MLYCD: variants seen among roughly 807,000 people sequenced by gnomAD.
The protein encoded by MLYCD is malonyl-CoA decarboxylase, mitochondrial.
A neutral mutation model predicts 35.8 loss-of-function variants in MLYCD; 27 were observed. The observed-to-expected ratio is 0.75, with a 90% CI of 0.56 to 1.04. The LOEUF (loss-of-function observed/expected upper bound fraction) is 1.04, where lower values mean the gene tolerates loss of function less well. Ranked by LOEUF, MLYCD falls within the 50% of genes least tolerant of loss-of-function variation. MLYCD has a pLI of 0.00. For synonymous variants in MLYCD, 403 were observed against 302.4 expected (o/e 1.33, Z -3.45); for missense variants, 917 against 665.1 (o/e 1.38, Z -4.17).
Position 83,921,622 on chromosome 16 carries a change from A to G in MLYCD, c.*6133A>G, listed in dbSNP as rs184263842. The G allele has an allele frequency of 2.0e-5, 3 of 152,290 alleles. No individual in the cohort carries two copies. The highest frequency in any genetic ancestry group is 1.9e-4 in the East Asian group (1 of 5,180). The allele number at this position is 152,290 out of a possible 1,614,324, so 9.4% of individuals were successfully genotyped here. Reference sequence around the variant, plus strand: ...AGGAGAAAGAGCCTGTCGTCCCTCTATGATACTGCACTGAACCAATATTCC... The same window carrying G: ...AGGAGAAAGAGCCTGTCGTCCCTCTGTGATACTGCACTGAACCAATATTCC... On this transcript the variant is annotated 3_prime_UTR_variant, in exon 5 of 5. Coordinates refer to ENST00000262430, the MANE Select transcript of MLYCD (RefSeq NM_012213.3).
In MLYCD at chr16:83,916,942, TGTGTGC is replaced by T; in HGVS notation, c.*1460_*1465del. 7.2e-6 allele frequency: 1 copy of T among 139,788 alleles called. No homozygotes were observed. 8.7% of individuals were successfully genotyped at this position (139,788 alleles called of 1,614,324 possible). On this transcript the variant is annotated 3_prime_UTR_variant, in exon 5 of 5. Transcript: ENST00000262430. ...GTCTCTGTGTGGATCAGTGCACGTC[TGTGTGC>T]GTGTGCACGAGCGTTCTATGTGGAT...
Position 83,915,001 on chromosome 16 carries a change from C to G in MLYCD, c.994C>G (p.Pro332Ala). The G allele has an allele frequency of 6.2e-7, 1 of 1,614,248 alleles. No individual in the cohort carries two copies. The highest frequency in any genetic ancestry group is 8.5e-7 in the Non-Finnish European group (1 of 1,180,048). Residue 332 changes from proline (P) to alanine (A), a missense_variant, in exon 5 of 5, where the codon CCT becomes GCT. Physicochemically the swap from Pro to Ala is conservative, Grantham distance 27. Coordinates refer to ENST00000262430, the MANE Select transcript of MLYCD (RefSeq NM_012213.3). ...GGTGTTTTCAAGTCTGTCACCTATA[C>G]CTGGTTTCACCAAATGGCTTCTGGG... ...LGVFSSLSPI[P>A]GFTKWLLGLL...
intron 3 of MLYCD, 54 bp from the exon 4 acceptor site, chr16:83,912,164 C>G: frequency 6.2e-7 from 1 of 1,612,000 alleles, no homozygotes; most frequent in Non-Finnish European, 8.5e-7. Context: ...AGGCTTGCCT[C>G]GTGGGCTGCA....
At chr16:83,899,702 C>T in intron 1 of MLYCD, 30 bp downstream of exon 1, 6 of 1,488,684 alleles carry the variant, frequency 4.0e-6, no homozygotes, top group Non-Finnish European at 5.3e-6. Context: ...CCCCCGGCAG[C>T]GCGGACTGGC....
In MLYCD at chr16:83,923,145, A is replaced by G. The variant is rs1907705243; in HGVS notation, c.*7656A>G. On this transcript the variant is annotated 3_prime_UTR_variant, in exon 5 of 5. Coordinates refer to ENST00000262430, the MANE Select transcript of MLYCD (RefSeq NM_012213.3). ...TTGACCTTCACTGACCTCCAGGGCAAGAACAACCAAGAGTTGCTCCCAAGA... is the reference window on the plus strand; with the variant it reads ...TTGACCTTCACTGACCTCCAGGGCAGGAACAACCAAGAGTTGCTCCCAAGA... 6.6e-6 allele frequency: 1 copy of G among 152,408 alleles called. No individual in the cohort carries two copies. Among genetic ancestry groups the G allele is most frequent in the South Asian group, 2.1e-4 (1 of 4,826 alleles). 9.4% of individuals were successfully genotyped at this position (152,408 alleles called of 1,614,324 possible).
At position 83,899,128 on chromosome 16, in the gene MLYCD, A is replaced by G. The variant is rs1906678089; in HGVS notation, c.-17A>G. Reference sequence around the variant, plus strand: ...AGCGGCGGCGGCGCTCCCCCTCGGCAGCTGTTGTGGGGCACCATGCGAGGC... The same window carrying G: ...AGCGGCGGCGGCGCTCCCCCTCGGCGGCTGTTGTGGGGCACCATGCGAGGC... On this transcript the variant is annotated 5_prime_UTR_variant, in exon 1 of 5. Transcript: ENST00000262430. The G allele has an allele frequency of 1.8e-6, 2 of 1,111,796 alleles. No homozygotes were observed. Among genetic ancestry groups the G allele is most frequent in the Non-Finnish European group, 2.2e-6 (2 of 913,396 alleles). The allele number at this position is 1,111,796 out of a possible 1,614,324, so 68.9% of individuals were successfully genotyped here. A position where few individuals can be genotyped will look rare whatever the true frequency, so the allele number is the denominator to read the frequency against.
At position 83,899,115 on chromosome 16, in the gene MLYCD, G is replaced by A; in HGVS notation, c.-30G>A. 1 of 1,097,128 alleles carries A rather than the reference G, an allele frequency of 9.1e-7. No homozygotes were observed. The highest frequency in any genetic ancestry group is 1.1e-6 in the Non-Finnish European group (1 of 904,180). 68.0% of individuals were successfully genotyped at this position (1,097,128 alleles called of 1,614,324 possible). A position where few individuals can be genotyped will look rare whatever the true frequency, so the allele number is the denominator to read the frequency against. ...CCGGAAGCGCGGCAGCGGCGGCGGC[G>A]CTCCCCCTCGGCAGCTGTTGTGGGG... On this transcript the variant is annotated 5_prime_UTR_variant, in exon 1 of 5. Coordinates refer to ENST00000262430, the MANE Select transcript of MLYCD (RefSeq NM_012213.3).
chr16:83,914,386 C>T lies in MLYCD; in HGVS notation c.949-570C>T, dbSNP rs539485910. 4.5e-4 allele frequency: 81 copies of T among 180,400 alleles called. No homozygotes were observed. The South Asian group carries it at 9.5e-3, about 21-fold the overall frequency. The allele number at this position is 180,400 out of a possible 1,614,324, so 11.2% of individuals were successfully genotyped here. A position where few individuals can be genotyped will look rare whatever the true frequency, so the allele number is the denominator to read the frequency against. On this transcript the variant is annotated intron_variant, in intron 4 of 4. Coordinates refer to ENST00000262430, the MANE Select transcript of MLYCD (RefSeq NM_012213.3). ...GTGTGCCGAGCAGCAGAGCAGCTTC[C>T]GGGGCCTCACAGGTGGCCATGGGAG...
intron 3 of MLYCD, 166 bp from the exon 4 acceptor site, chr16:83,912,052 A>G (rs1907197685): frequency 2.1e-6 from 2 of 971,314 alleles, no homozygotes; most frequent in South Asian, 1.4e-5. Context: ...AGTTTTCAAA[A>G]CAGAGCAGCT....
Position 83,915,453 on chromosome 16 carries a change from C to G in MLYCD, c.1446C>G (p.Ser482Arg). Residue 482 changes from serine (S) to arginine (R), a missense_variant, in exon 5 of 5, where the codon AGC becomes AGG. Physicochemically the swap from Ser to Arg is moderately radical, Grantham distance 110 (BLOSUM62 -1). Coordinates refer to ENST00000262430, the MANE Select transcript of MLYCD (RefSeq NM_012213.3). ...KIIKASEQVLSLVAQFQKNSK... is the reference protein window; with the variant it reads ...KIIKASEQVLRLVAQFQKNSK... ...TCAAAGCCTCTGAGCAGGTCCTCAG[C>G]CTAGTGGCCCAGTTTCAAAAGAACA... is the stretch of plus-strand genomic sequence containing the variant. 1 of 1,613,174 alleles carries G rather than the reference C, an allele frequency of 6.2e-7. No homozygotes were observed. The highest frequency in any genetic ancestry group is 1.3e-5 in the African/African-American group (1 of 75,068).
Position 83,924,616 on chromosome 16 carries a change from T to C in MLYCD, c.*9127T>C, listed in dbSNP as rs1263688826. On this transcript the variant is annotated 3_prime_UTR_variant, in exon 5 of 5. Transcript: ENST00000262430. ...ACAGCACCCCCTGAACGTGAGTTAC[T>C]GCCTCCTTGAGCACTTTCGCAGGAG... 6.6e-6 allele frequency: 1 copy of C among 152,202 alleles called. No individual in the cohort carries two copies. The highest frequency in any genetic ancestry group is 6.5e-5 in the Admixed American group (1 of 15,280). 9.4% of individuals were successfully genotyped at this position (152,202 alleles called of 1,614,324 possible).
At chr16:83,912,583 C>G in intron 4 of MLYCD, 1 of 616,772 alleles carries the variant, frequency 1.6e-6, no homozygotes. Context: ...GCCTCCAACC[C>G]AGCTGCCCAG....
At chr16:83,900,249 C>G (rs886611151) in intron 1 of MLYCD, among the ~76,000 whole-genome samples, 1 of 152,152 alleles carries the variant, frequency 6.6e-6, no homozygotes, top group African/African-American at 2.4e-5. Flanking sequence ...TCCCTGCGTT[C>G]AGTACTTAAT....
intron 2 of MLYCD, 104 bp from the exon 3 acceptor site, chr16:83,908,022 A>T (rs143066261): frequency 2.1e-6 from 3 of 1,440,478 alleles, no homozygotes; most frequent in African/African-American, 1.4e-5. Flanking sequence ...TTAAAGCTCT[A>T]TTTAAAGAAC....
intron 3 of MLYCD, among the ~76,000 whole-genome samples, chr16:83,909,513 A>G (rs1343630161): frequency 6.6e-6 from 1 of 152,174 alleles, no homozygotes; most frequent in East Asian, 1.9e-4. Flanking sequence ...GGTCTTATGA[A>G]TAATATTAAT....
intron 1 of MLYCD, 32 bp downstream of exon 1, chr16:83,899,704 C>T (rs1165545407): frequency 2.0e-6 from 3 of 1,486,886 alleles, no homozygotes; most frequent in Non-Finnish European, 2.7e-6. Context: ...CCCGGCAGCG[C>T]GGACTGGCCG....
chr16:83,914,515 A>G (rs1809224776), intron 4 of MLYCD: 1 of 276,896 alleles, frequency 3.6e-6, no homozygotes, highest in Non-Finnish European at 7.0e-6. Flanking sequence ...GTCCCCCAAC[A>G]CTCTAGTCTC....
rs1220208116 is a variant in MLYCD at position 83,922,166 on chromosome 16, G to GC, written c.*6684dup. The GC allele has an allele frequency of 7.2e-5, 11 of 151,904 alleles. No homozygotes were observed. The highest frequency in any genetic ancestry group is 4.2e-4 in the South Asian group (2 of 4,788). The allele number at this position is 151,904 out of a possible 1,614,324, so 9.4% of individuals were successfully genotyped here. A position where few individuals can be genotyped will look rare whatever the true frequency, so the allele number is the denominator to read the frequency against. On this transcript the variant is annotated 3_prime_UTR_variant, in exon 5 of 5. Transcript: ENST00000262430. Reference sequence around the variant, plus strand: ...CAACCCCACCCCTGCCACAGAGCCTGCCCCCCCGAGTGTTCCCCATCTCAG... The same window carrying GC: ...CAACCCCACCCCTGCCACAGAGCCTGCCCCCCCCGAGTGTTCCCCATCTCAG...
rs1907467055 is a variant in MLYCD, at chr16:83,917,581, C to A, written c.*2092C>A. 1 of 152,474 alleles carries A rather than the reference C, an allele frequency of 6.6e-6. No individual in the cohort carries two copies. Among genetic ancestry groups the A allele is most frequent in the African/African-American group, 2.4e-5 (1 of 41,474 alleles). The allele number at this position is 152,474 out of a possible 1,614,324, so 9.4% of individuals were successfully genotyped here. ...CAGACGGTGTGATCGCGGGAGCTGT[C>A]TCATGCCTCTTGTTCTCCGGGCTGA... On this transcript the variant is annotated 3_prime_UTR_variant, in exon 5 of 5. Coordinates refer to ENST00000262430, the MANE Select transcript of MLYCD (RefSeq NM_012213.3).
Sources: allele counts gnomAD v4.1 joint callset (sites outside exome capture counted in the v4.1 genomes callset), GRCh38; gene constraint gnomAD v4.1.1; transcripts MANE v1.5; gene names NCBI Gene and HGNC (gene_info 2026-07-23, HGNC 2026-07-21).